HELZ: variants seen among roughly 807,000 people sequenced by gnomAD.
HELZ encodes the protein ATP-dependent RNA helicase with zinc finger domain.
In HELZ, 23 loss-of-function variants were observed where a neutral mutation model predicts 218.2. That is an observed-to-expected ratio of 0.11 (90% confidence interval 0.08 to 0.15). The LOEUF is 0.15. Among genes scored for constraint, HELZ ranks in the 10% least tolerant of loss-of-function variants. HELZ has a pLI of 1.00. For synonymous variants in HELZ, 814 were observed against 829.4 expected (o/e 0.98, Z 0.32); for missense variants, 1,813 against 2,353.7 (o/e 0.77, Z 4.75).
At chr17:67,136,952 C>T (rs371848134) in intron 22 of HELZ, among the ~76,000 whole-genome samples, 5 of 152,034 alleles carry the variant, frequency 3.3e-5, no homozygotes, top group African/African-American at 4.8e-5. Context: ...TTACATCATA[C>T]GCATTTTACC....
At chr17:67,080,196 GTTAA>G (rs148383437) in intron 32 of HELZ, among the ~76,000 whole-genome samples, 1,659 of 152,082 alleles carry the variant, frequency 0.011, 32 homozygotes, top group African/African-American at 0.037. Flanking sequence ...CCCTTGAATG[GTTAA>G]TTAATCATTT....
At chr17:67,178,964 A>G in intron 12 of HELZ, 38 bp from the exon 13 acceptor site, 1 of 1,411,992 alleles carries the variant, frequency 7.1e-7, no homozygotes, top group Non-Finnish European at 9.6e-7. Context: ...AAAGAAACAG[A>G]ACATTAAAAT....
intron 31 of HELZ, among the ~76,000 whole-genome samples, chr17:67,089,660 T>TAC (rs2036502575): frequency 2.1e-5 from 1 of 46,732 alleles, no homozygotes; most frequent in Admixed American, 2.5e-4. Flanking sequence ...TATATATATA[T>TAC]ATATATATAG....
chr17:67,232,860 G>A (rs536352324), intron 3 of HELZ, among the ~76,000 whole-genome samples: 5 of 152,318 alleles, frequency 3.3e-5, no homozygotes, highest in South Asian at 2.1e-4. Flanking sequence ...TGGGCTTGGC[G>A]CAGTGGCTCA....
At chr17:67,184,848 T>G (rs1392411302) in intron 12 of HELZ, among the ~76,000 whole-genome samples, 4 of 150,848 alleles carry the variant, frequency 2.7e-5, no homozygotes, top group African/African-American at 7.4e-5. Context: ...AATAAATAAA[T>G]AGAGATATTT....
At chr17:67,235,913 A>C (rs947904261) in intron 3 of HELZ, among the ~76,000 whole-genome samples, 1 of 151,958 alleles carries the variant, frequency 6.6e-6, no homozygotes, top group African/African-American at 2.4e-5. Context: ...GGCACCTGCC[A>C]CCACGCCCGG....
intron 31 of HELZ, among the ~76,000 whole-genome samples, chr17:67,093,923 C>G (rs1204005116): frequency 6.6e-6 from 1 of 152,058 alleles, no homozygotes; most frequent in Non-Finnish European, 1.5e-5. Flanking sequence ...TCTTAGTTCC[C>G]AAAACTATAG....
intron 22 of HELZ, 31 bp from the exon 23 acceptor site, chr17:67,136,229 A>C (rs2038145237): frequency 1.4e-6 from 2 of 1,412,782 alleles, no homozygotes; most frequent in African/African-American, 1.4e-5. Context: ...GAAAAGACTT[A>C]AGATTGTCAT....
chr17:67,193,873 T>C, intron 9 of HELZ, 94 bp downstream of exon 9: 2 of 891,610 alleles, frequency 2.2e-6, no homozygotes, highest in Non-Finnish European at 3.6e-6. Context: ...TGTTTCAAAT[T>C]GAAAATAAAC....
intron 2 of HELZ, among the ~76,000 whole-genome samples, chr17:67,241,876 A>C (rs920511903): frequency 2.6e-5 from 4 of 152,320 alleles, no homozygotes; most frequent in African/African-American, 7.2e-5. Flanking sequence ...CCCATTTTAG[A>C]ATACTTTGTG....
In HELZ at chr17:67,218,639, T is replaced by C; in HGVS notation, c.166A>G (p.Lys56Glu). 1 of 1,614,240 alleles carries C rather than the reference T, an allele frequency of 6.2e-7. No individual in the cohort carries two copies. The highest frequency in any genetic ancestry group is 8.5e-7 in the Non-Finnish European group (1 of 1,180,048). Residue 56 changes from lysine to glutamate, a missense_variant, in exon 4 of 33, where the codon AAA becomes GAA. Lys to Glu is a moderately conservative substitution (Grantham distance 56). Coordinates refer to ENST00000358691, the MANE Select transcript of HELZ (RefSeq NM_014877.4). The stretch of plus-strand genomic sequence containing the variant: ...ATTCTGTAGAGAAGACTCTCGATTT[T>C]GATGCGTTCTATTTCCAATGGACAA... ...GPCPLEIERI[K>E]IESLLYRIAS...
At chr17:67,157,245 C>T (rs78759132) in intron 17 of HELZ, among the ~76,000 whole-genome samples, 1 of 152,064 alleles carries the variant, frequency 6.6e-6, no homozygotes, top group Admixed American at 6.6e-5. Context: ...AATGCAAGAA[C>T]GGCCTAATAC....
chr17:67,234,089 C>A (rs1413578768), intron 3 of HELZ, among the ~76,000 whole-genome samples: 1 of 149,470 alleles, frequency 6.7e-6, no homozygotes, highest in East Asian at 2.0e-4. Flanking sequence ...TTTGGGAGGC[C>A]AAGGTAGGTG....
intron 28 of HELZ, among the ~76,000 whole-genome samples, chr17:67,112,395 G>A (rs1049382690): frequency 2.6e-5 from 4 of 152,178 alleles, no homozygotes; most frequent in African/African-American, 7.2e-5. Context: ...GTCCCAAGCT[G>A]CCTCTGACTA....
chr17:67,100,617 A>G (rs2036894657), intron 31 of HELZ, among the ~76,000 whole-genome samples: 1 of 152,234 alleles, frequency 6.6e-6, no homozygotes, highest in South Asian at 2.1e-4. Flanking sequence ...ACATTGCTAC[A>G]TAATCGTTTT....
chr17:67,124,825 T>C (rs921828330), intron 24 of HELZ, among the ~76,000 whole-genome samples: 1 of 152,110 alleles, frequency 6.6e-6, no homozygotes. Flanking sequence ...TGATGACATT[T>C]GGGCAGAAAC....
At chr17:67,170,580 A>G (rs2039278734) in intron 13 of HELZ, among the ~76,000 whole-genome samples, 1 of 152,102 alleles carries the variant, frequency 6.6e-6, no homozygotes, top group Non-Finnish European at 1.5e-5. Context: ...TAATCCCAGC[A>G]CTTTGGGAGG....
At chr17:67,153,900 T>C (rs1284994219) in intron 17 of HELZ, among the ~76,000 whole-genome samples, 2 of 152,258 alleles carry the variant, frequency 1.3e-5, no homozygotes, top group East Asian at 3.8e-4. Flanking sequence ...GGATAATTTC[T>C]ACTCAGCTTC....
At chr17:67,089,066 G>A (rs575359988) in intron 31 of HELZ, among the ~76,000 whole-genome samples, 25 of 152,208 alleles carry the variant, frequency 1.6e-4, no homozygotes, top group Admixed American at 3.3e-4. Flanking sequence ...ACTATCCCGA[G>A]TGTTTAGTCA....
Sources: allele counts gnomAD v4.1 joint callset (sites outside exome capture counted in the v4.1 genomes callset), GRCh38; gene constraint gnomAD v4.1.1; transcripts MANE v1.5; gene names NCBI Gene and HGNC (gene_info 2026-07-23, HGNC 2026-07-21).